Variants in ITPKB observed in about 807,000 individuals in gnomAD.
ITPKB encodes the protein IP3 3-kinase B.
A neutral mutation model predicts 69.4 loss-of-function variants in ITPKB; 13 were observed. The ratio of observed to expected loss-of-function variants is 0.19; its 90% confidence interval spans 0.12 to 0.30. The LOEUF (loss-of-function observed/expected upper bound fraction) is 0.30, where lower values mean the gene tolerates loss of function less well. Ranked by LOEUF, ITPKB falls within the 10% of genes least tolerant of loss-of-function variation. The pLI is 1.00. For synonymous variants in ITPKB, 584 were observed against 513.7 expected (o/e 1.14, Z -1.85); for missense variants, 1,240 against 1,250.5 (o/e 0.99, Z 0.13).
chr1:226,682,901 G>A (rs969164542), intron 2 of ITPKB, among the ~76,000 whole-genome samples: 1 of 152,186 alleles, frequency 6.6e-6, no homozygotes, highest in African/African-American at 2.4e-5. Context: ...TTTACAGGGA[G>A]AGTCTAGCTG....
chr1:226,737,517 C>T lies in ITPKB; in HGVS notation c.-59G>A, dbSNP rs1657834236. On this transcript the variant is annotated 5_prime_UTR_variant, in exon 2 of 8. Coordinates refer to ENST00000429204, the MANE Select transcript of ITPKB (RefSeq NM_002221.4). ...TCCCGCTCCTGCTCCGCCGCCGGCG[C>T]CTCCTCCTCCCGGCGCTCCCGGCTC... The T allele has an allele frequency of 1.4e-6, 2 of 1,425,400 alleles. No individual in the cohort carries two copies. The highest frequency in any genetic ancestry group is 5.1e-5 in the Admixed American group (2 of 39,184). 88.3% of individuals were successfully genotyped at this position (1,425,400 alleles called of 1,614,324 possible). A position where few individuals can be genotyped will look rare whatever the true frequency, so the allele number is the denominator to read the frequency against.
intron 3 of ITPKB, among the ~76,000 whole-genome samples, chr1:226,648,445 A>C (rs925917359): frequency 3.1e-5 from 2 of 63,786 alleles, no homozygotes; most frequent in Non-Finnish European, 5.8e-5. Context: ...GGAGGGGAGG[A>C]TGCATGTTTT....
At chr1:226,728,172 T>G (rs965397953) in intron 2 of ITPKB, among the ~76,000 whole-genome samples, 17 of 152,216 alleles carry the variant, frequency 1.1e-4, no homozygotes, top group Admixed American at 1.1e-3. Flanking sequence ...CTATAGCTCC[T>G]ACTTTTTGCT....
chr1:226,654,264 A>G (rs1480016925), intron 2 of ITPKB, among the ~76,000 whole-genome samples: 1 of 152,130 alleles, frequency 6.6e-6, no homozygotes, highest in Admixed American at 6.5e-5. Context: ...CCATCTTTGC[A>G]TTGGAGGAGA....
chr1:226,684,682 G>C (rs1384376004), intron 2 of ITPKB, among the ~76,000 whole-genome samples: 2 of 152,174 alleles, frequency 1.3e-5, no homozygotes, highest in African/African-American at 2.4e-5. Flanking sequence ...AAGATCTCAG[G>C]CCTTGTGCTT....
chr1:226,693,109 C>T (rs1656396643), intron 2 of ITPKB, among the ~76,000 whole-genome samples: 1 of 152,348 alleles, frequency 6.6e-6, no homozygotes, highest in Middle Eastern at 3.4e-3. Context: ...GGTCCAGAAG[C>T]CCTTGAAGGT....
intron 2 of ITPKB, among the ~76,000 whole-genome samples, chr1:226,671,964 G>C (rs1027295552): frequency 8.5e-5 from 13 of 152,192 alleles, no homozygotes; most frequent in Non-Finnish European, 1.6e-4. Flanking sequence ...GGAGGGTTTT[G>C]AGTGAGGAGT....
At chr1:226,710,084 CT>C (rs1248853933) in intron 2 of ITPKB, among the ~76,000 whole-genome samples, 1 of 152,166 alleles carries the variant, frequency 6.6e-6, no homozygotes, top group Non-Finnish European at 1.5e-5. Flanking sequence ...TTCCCTGCCC[CT>C]GTCTCCTCTC....
chr1:226,642,406 G>T lies in ITPKB; in HGVS notation c.2247-281C>A, dbSNP rs1668980259. On this transcript the variant is annotated intron_variant, in intron 4 of 7. Transcript: ENST00000429204. The surrounding 1 kb of genome is among the most constrained non-coding windows in gnomAD (Gnocchi z 6.4). ...GCTGGTCTCAAACTTCTAGCCTCAA[G>T]TGATCCTCCCACCTTGGCCTCCCAA... 6.6e-6 allele frequency among the ~76,000 whole-genome samples: 1 copy of T among 152,074 alleles called. No individual in the cohort carries two copies. Among genetic ancestry groups the T allele is most frequent in the Non-Finnish European group, 1.5e-5 (1 of 68,008 alleles).
intron 2 of ITPKB, among the ~76,000 whole-genome samples, chr1:226,692,694 C>T (rs138596369): frequency 1.3e-5 from 2 of 152,316 alleles, no homozygotes; most frequent in Non-Finnish European, 2.9e-5. Flanking sequence ...CCCAAATCAC[C>T]ACTCAGCTTA....
intron 2 of ITPKB, among the ~76,000 whole-genome samples, chr1:226,727,000 T>C (rs1219867940): frequency 1.3e-5 from 2 of 152,214 alleles, no homozygotes; most frequent in Admixed American, 6.5e-5. Context: ...GTTTATCTCA[T>C]TGTCATACAC....
rs953818190 is a variant in ITPKB at position 226,632,517 on chromosome 1, G to C, written c.*2154C>G. 11 of 147,202 alleles carry C rather than the reference G, an allele frequency of 7.5e-5. No homozygotes were observed. Among genetic ancestry groups the C allele is most frequent in the Non-Finnish European group, 1.7e-4 (11 of 66,484 alleles). 9.1% of individuals were successfully genotyped at this position (147,202 alleles called of 1,614,324 possible). A position where few individuals can be genotyped will look rare whatever the true frequency, so the allele number is the denominator to read the frequency against. ...CTAGCACGGTAAATACAAAAAAAGA[G>C]AAAAAAAAAACAGAAAACAAAAACC... On this transcript the variant is annotated 3_prime_UTR_variant, in exon 8 of 8. Coordinates refer to ENST00000429204, the MANE Select transcript of ITPKB (RefSeq NM_002221.4).
intron 1 of ITPKB, among the ~76,000 whole-genome samples, 151 bp from the exon 2 acceptor site, chr1:226,737,814 G>A (rs1289316401): frequency 6.6e-6 from 1 of 152,126 alleles, no homozygotes; most frequent in Non-Finnish European, 1.5e-5. Flanking sequence ...GGCGAGGCTC[G>A]GCGAGGGCAT....
chr1:226,646,555 T>C lies in ITPKB; in HGVS notation c.2246+612A>G, dbSNP rs534427232. On this transcript the variant is annotated intron_variant, in intron 4 of 7. Coordinates refer to ENST00000429204, the MANE Select transcript of ITPKB (RefSeq NM_002221.4). ...TGAGCCCCTGTCAGGAACCTGGGGG[T>C]GGGAGCCAGTCCTGCACACAGGCCC... Among the ~76,000 whole-genome samples the C allele has an allele frequency of 2.1e-3, 314 of 152,136 alleles. 4 individuals carry two copies. The highest frequency in any genetic ancestry group is 2.2e-3 in the Non-Finnish European group (147 of 67,966).
intron 2 of ITPKB, among the ~76,000 whole-genome samples, chr1:226,685,211 A>G (rs1315715689): frequency 6.6e-6 from 1 of 152,002 alleles, no homozygotes; most frequent in Non-Finnish European, 1.5e-5. Context: ...TCAAAACTCA[A>G]CCTGTCCTCT....
At chr1:226,681,199 G>A (rs943627505) in intron 2 of ITPKB, among the ~76,000 whole-genome samples, 1 of 152,140 alleles carries the variant, frequency 6.6e-6, no homozygotes, top group Non-Finnish European at 1.5e-5. Flanking sequence ...AGACAGTGTT[G>A]CTGGTTCCGA....
chr1:226,675,517 G>GA lies in ITPKB; in HGVS notation c.1933-26747dup, dbSNP rs778549775. Among the ~76,000 whole-genome samples, 20 of 152,194 alleles carry GA rather than the reference G, an allele frequency of 1.3e-4. 1 individual carries two copies. Among genetic ancestry groups the GA allele is most frequent in the Non-Finnish European group, 1.6e-4 (11 of 68,030 alleles). On this transcript the variant is annotated intron_variant, in intron 2 of 7. Coordinates refer to ENST00000429204, the MANE Select transcript of ITPKB (RefSeq NM_002221.4). ...ACTTGCAAGGAGCTGTGGGGAGGAG[G>GA]AAGGAAGGGGAAAATGGCAGGATGA...
chr1:226,736,848 G>A lies in ITPKB; in HGVS notation c.611C>T (p.Ser204Phe), dbSNP rs137905849. 3.7e-6 allele frequency: 6 copies of A among 1,612,218 alleles called. No homozygotes were observed. Among genetic ancestry groups the A allele is most frequent in the African/African-American group, 2.7e-5 (2 of 74,944 alleles). Residue 204 changes from serine (S) to phenylalanine (F), a missense_variant, in exon 2 of 8, where the codon TCC (serine) becomes TTC (phenylalanine). Physicochemically the swap from Ser to Phe is radical, Grantham distance 155. This residue lies in a region of ITPKB where 992 missense variants were observed against 853.8 expected (regional missense o/e 1.16). Coordinates refer to ENST00000429204, the MANE Select transcript of ITPKB (RefSeq NM_002221.4). ...AGTCTCTGGACATTGCTCCCCCCAG[G>A]ACTTTGTCCTCCGTTCCTCGCTCCG... ...GARSEERRTKSWGEQCPETSG... is the reference protein window; with the variant it reads ...GARSEERRTKFWGEQCPETSG...
chr1:226,663,210 C>T (rs1036153332), intron 2 of ITPKB, among the ~76,000 whole-genome samples: 5 of 152,210 alleles, frequency 3.3e-5, no homozygotes, highest in Non-Finnish European at 7.3e-5. Flanking sequence ...CAACCAGGCC[C>T]TGCTAGTGGC....
Sources: gnomAD v4.1 joint callset for allele counts (sites outside exome capture counted in the v4.1 genomes callset) on GRCh38, gnomAD v4.1.1 for gene constraint, gnomAD v4.1.1 regional missense constraint, Gnocchi (gnomAD v3.1) non-coding constraint, MANE v1.5 for transcripts, NCBI Gene and HGNC (gene_info 2026-07-23, HGNC 2026-07-21) for gene names.